The following QTMAN variants were observed in gnomAD, a reference collection of about 807,000 sequenced individuals.
QTMAN encodes the protein queuosine-tRNA mannosyltransferase, also known as tRNA-queuosine alpha-mannosyltransferase.
chr2:143,983,503 T>C, the QTMAN span, among the ~76,000 whole-genome samples: 34 of 147,400 alleles, frequency 2.3e-4, no homozygotes, highest in Middle Eastern at 3.5e-3. Flanking sequence ...GATGGAGTCT[T>C]GCTCTGTCGC....
At chr2:144,229,250 G>A in the QTMAN span, among the ~76,000 whole-genome samples, 1 of 152,086 alleles carries the variant, frequency 6.6e-6, no homozygotes, top group Non-Finnish European at 1.5e-5. Context: ...AATTCCTATT[G>A]TATAGTGCTG....
At chr2:144,323,940 T>C in the QTMAN span, among the ~76,000 whole-genome samples, 1 of 152,214 alleles carries the variant, frequency 6.6e-6, no homozygotes. Context: ...TCAGTATTTA[T>C]TGGGTTCAGG....
At chr2:144,215,758 T>C in the QTMAN span, among the ~76,000 whole-genome samples, 1 of 152,202 alleles carries the variant, frequency 6.6e-6, no homozygotes, top group African/African-American at 2.4e-5. Flanking sequence ...ATAGAAAGTT[T>C]TGCACTGGAA....
the QTMAN span, chr2:143,970,762 C>T: frequency 6.8e-7 from 1 of 1,479,230 alleles, no homozygotes; most frequent in Admixed American, 1.7e-5. Flanking sequence ...TATCATGCTC[C>T]CTGGAAATAA....
chr2:144,267,483 G>C, the QTMAN span, among the ~76,000 whole-genome samples: 1 of 152,158 alleles, frequency 6.6e-6, no homozygotes, highest in South Asian at 2.1e-4. Context: ...TGACCTTCAC[G>C]AGTGCAGTTC....
At chr2:144,156,216 G>A in the QTMAN span, among the ~76,000 whole-genome samples, 1 of 152,022 alleles carries the variant, frequency 6.6e-6, no homozygotes, top group Non-Finnish European at 1.5e-5. Context: ...GCAAGTTCAC[G>A]ACAGTTCTTT....
chr2:144,331,508 A>G, the QTMAN span, among the ~76,000 whole-genome samples: 1 of 151,710 alleles, frequency 6.6e-6, no homozygotes, highest in Admixed American at 6.6e-5. Context: ...TCCATTTCAA[A>G]CTGCGATACA....
the QTMAN span, among the ~76,000 whole-genome samples, chr2:144,010,942 T>C: frequency 6.6e-6 from 1 of 152,266 alleles, no homozygotes; most frequent in East Asian, 1.9e-4. Flanking sequence ...TATTAGCTCA[T>C]GGAATCAATT....
At chr2:144,188,329 G>A in the QTMAN span, among the ~76,000 whole-genome samples, 236 of 151,998 alleles carry the variant, frequency 1.6e-3, no homozygotes, top group Non-Finnish European at 2.8e-3. Context: ...GCCTTTGAAC[G>A]GGATAAAACA....
the QTMAN span, among the ~76,000 whole-genome samples, chr2:144,236,058 G>C: frequency 2.0e-5 from 3 of 151,838 alleles, no homozygotes; most frequent in Non-Finnish European, 2.9e-5. Flanking sequence ...ATGCACTCCT[G>C]AATGATATAT....
the QTMAN span, among the ~76,000 whole-genome samples, chr2:144,072,272 T>C: frequency 6.6e-6 from 1 of 152,214 alleles, no homozygotes; most frequent in Non-Finnish European, 1.5e-5. Context: ...ACATTTTCCC[T>C]ATAACTTATA....
chr2:144,182,216 ACC>A, the QTMAN span, among the ~76,000 whole-genome samples: 1 of 152,218 alleles, frequency 6.6e-6, no homozygotes, highest in South Asian at 2.1e-4. Context: ...AACATGCAAA[ACC>A]ATTTTAGTGT....
the QTMAN span, among the ~76,000 whole-genome samples, chr2:143,998,240 G>C: frequency 2.6e-5 from 4 of 152,044 alleles, no homozygotes; most frequent in Non-Finnish European, 5.9e-5. Context: ...AAATGCTTTT[G>C]ACTAAGATCA....
At chr2:144,105,569 A>C in the QTMAN span, among the ~76,000 whole-genome samples, 1 of 152,220 alleles carries the variant, frequency 6.6e-6, no homozygotes, top group East Asian at 1.9e-4. Flanking sequence ...GAATCAAAAG[A>C]AATGAGCAAA....
the QTMAN span, among the ~76,000 whole-genome samples, chr2:143,979,562 A>T: frequency 3.3e-5 from 5 of 152,226 alleles, no homozygotes; most frequent in African/African-American, 1.2e-4. Context: ...TTTGGCGAGT[A>T]GGCTTCCAGA....
the QTMAN span, among the ~76,000 whole-genome samples, chr2:143,955,322 T>G: frequency 1.3e-5 from 2 of 152,210 alleles, no homozygotes; most frequent in Non-Finnish European, 2.9e-5. Flanking sequence ...TAAGTGGAAA[T>G]GCTAATGTTG....
the QTMAN span, chr2:143,940,098 G>C: frequency 6.6e-6 from 1 of 152,236 alleles, no homozygotes; most frequent in African/African-American, 2.4e-5. Flanking sequence ...ATATTTTTCT[G>C]ATTGATCATT....
the QTMAN span, chr2:144,317,397 G>GGAAGGAAA: frequency 6.7e-6 from 1 of 148,488 alleles, no homozygotes; most frequent in South Asian, 2.2e-4. Context: ...AAGGAAGGAA[G>GGAAGGAAA]GAAGGAAGGA....
chr2:143,954,355 CAG>C, the QTMAN span, among the ~76,000 whole-genome samples: 8 of 152,092 alleles, frequency 5.3e-5, no homozygotes, highest in African/African-American at 1.7e-4. Flanking sequence ...ATAGGCATTT[CAG>C]AGAGTGCACA....
Sources: allele counts gnomAD v4.1 joint callset (sites outside exome capture counted in the v4.1 genomes callset), GRCh38; gene constraint gnomAD v4.1.1; transcripts MANE v1.5; gene names NCBI Gene and HGNC (gene_info 2026-07-23, HGNC 2026-07-21).